The following GIGYF2 variants were observed in gnomAD, a reference collection of about 807,000 sequenced individuals.
GIGYF2 encodes GRB10-interacting GYF protein 2.
GIGYF2 carries 25 observed loss-of-function variants against 208.1 expected under a neutral mutation model. The observed-to-expected ratio is 0.12, with a 90% CI of 0.09 to 0.17. The LOEUF is 0.17. Ranked by LOEUF, GIGYF2 falls within the 10% of genes least tolerant of loss-of-function variation. The pLI is 1.00. For synonymous variants in GIGYF2, 534 were observed against 543.8 expected (o/e 0.98, Z 0.25); for missense variants, 1,302 against 1,579.4 (o/e 0.82, Z 2.98).
intron 3 of GIGYF2, chr2:232,736,029 A>T: frequency 1.0e-6 from 1 of 978,658 alleles, no homozygotes; most frequent in Non-Finnish European, 1.2e-6. Flanking sequence ...TCAATAAATG[A>T]TGCAGACTTC....
At chr2:232,701,810 A>G (rs542507151) in intron 1 of GIGYF2, among the ~76,000 whole-genome samples, 10 of 152,256 alleles carry the variant, frequency 6.6e-5, no homozygotes, top group Middle Eastern at 3.4e-3. Flanking sequence ...AGGTCATCCA[A>G]CTTTACCCAC....
chr2:232,761,302 G>T, intron 7 of GIGYF2, 94 bp from the exon 8 acceptor site: 2 of 795,530 alleles, frequency 2.5e-6, no homozygotes, highest in Non-Finnish European at 2.2e-6. Flanking sequence ...ATTTGAAGAA[G>T]AAATGCTTTT....
chr2:232,778,088 C>T (rs1019900952), intron 8 of GIGYF2, among the ~76,000 whole-genome samples: 2 of 151,902 alleles, frequency 1.3e-5, no homozygotes. Context: ...GCAGTAATGC[C>T]ACCACATCTG....
chr2:232,726,048 A>G (rs1004287950), intron 2 of GIGYF2, among the ~76,000 whole-genome samples: 4 of 152,054 alleles, frequency 2.6e-5, no homozygotes, highest in African/African-American at 9.7e-5. Context: ...AACTTTTTGC[A>G]GTTTGGAGTT....
chr2:232,810,973 T>C, intron 16 of GIGYF2: 1 of 365,578 alleles, frequency 2.7e-6, no homozygotes, highest in African/African-American at 2.1e-5. Context: ...AAATATTTTC[T>C]CTGAATAGAC....
intron 16 of GIGYF2, among the ~76,000 whole-genome samples, 168 bp downstream of exon 16, chr2:232,809,979 C>CATTT (rs35451202): frequency 2.2e-4 from 33 of 151,528 alleles, no homozygotes; most frequent in East Asian, 9.7e-4. Flanking sequence ...TTAGTGTTGT[C>CATTT]ATTTATTTAT....
intron 3 of GIGYF2, among the ~76,000 whole-genome samples, chr2:232,739,373 CCGCA>C (rs1164617333): frequency 6.3e-5 from 7 of 111,160 alleles, no homozygotes; most frequent in Non-Finnish European, 9.7e-5. Context: ...CCCCCCCCCC[CCGCA>C]AAAAAAAAGA....
intron 8 of GIGYF2, among the ~76,000 whole-genome samples, chr2:232,772,261 A>G (rs1221459656): frequency 6.6e-6 from 1 of 152,108 alleles, no homozygotes; most frequent in Admixed American, 6.6e-5. Flanking sequence ...GTCACTTTGC[A>G]ACCATGTTCG....
chr2:232,702,323 T>A (rs1695885775), intron 1 of GIGYF2, among the ~76,000 whole-genome samples: 1 of 151,596 alleles, frequency 6.6e-6, no homozygotes, highest in African/African-American at 2.4e-5. Context: ...CTTGTAATCC[T>A]AGCTTCTCGG....
At chr2:232,717,993 T>C (rs898473351) in intron 2 of GIGYF2, among the ~76,000 whole-genome samples, 1 of 152,124 alleles carries the variant, frequency 6.6e-6, no homozygotes, top group Non-Finnish European at 1.5e-5. Flanking sequence ...AAAGGAATCA[T>C]ACAGTATATA....
intron 21 of GIGYF2, among the ~76,000 whole-genome samples, chr2:232,829,303 G>A (rs540544141): frequency 3.3e-5 from 5 of 152,110 alleles, no homozygotes; most frequent in Non-Finnish European, 5.9e-5. Context: ...TTAAATTGAC[G>A]TTAAGGTTGC....
chr2:232,856,123 C>T (rs150359660), intron 28 of GIGYF2, among the ~76,000 whole-genome samples: 1,565 of 151,932 alleles, frequency 0.01, 31 homozygotes, highest in African/African-American at 0.035. Flanking sequence ...TTAGTAGAGA[C>T]GAGGTTTCAC....
At chr2:232,780,419 A>G (rs1260063651) in intron 8 of GIGYF2, among the ~76,000 whole-genome samples, 3 of 152,250 alleles carry the variant, frequency 2.0e-5, no homozygotes, top group Admixed American at 6.5e-5. Flanking sequence ...GACATAAAAT[A>G]TATCGTTTTC....
chr2:232,769,418 C>G (rs1161915355), intron 8 of GIGYF2, among the ~76,000 whole-genome samples: 1 of 149,166 alleles, frequency 6.7e-6, no homozygotes, highest in African/African-American at 2.5e-5. Context: ...GTAATCCCAG[C>G]TACTCAGGAG....
chr2:232,727,456 A>G (rs1002222961), intron 2 of GIGYF2, among the ~76,000 whole-genome samples: 1 of 152,230 alleles, frequency 6.6e-6, no homozygotes, highest in African/African-American at 2.4e-5. Flanking sequence ...AATGTGAAGT[A>G]TGGAGGGATA....
At chr2:232,720,232 G>T (rs1479094986) in intron 2 of GIGYF2, among the ~76,000 whole-genome samples, 1 of 152,086 alleles carries the variant, frequency 6.6e-6, no homozygotes, top group African/African-American at 2.4e-5. Flanking sequence ...GCTCAGAATG[G>T]TGGTTTCCAG....
chr2:232,855,893 C>T lies in GIGYF2; in HGVS notation c.3833-900C>T, dbSNP rs1690547454. On this transcript the variant is annotated intron_variant, in intron 28 of 28. Coordinates refer to ENST00000373563, the MANE Select transcript of GIGYF2 (RefSeq NM_001103146.3). ...ATACACACTCACATCCCATTCTTTTCTCTGATTCTCTGAAGCAGTGGTTTG... is the reference window on the plus strand; with the variant it reads ...ATACACACTCACATCCCATTCTTTTTTCTGATTCTCTGAAGCAGTGGTTTG... Among the ~76,000 whole-genome samples the T allele has an allele frequency of 2.0e-5, 3 of 151,654 alleles. No homozygotes were observed. In the South Asian group the frequency reaches 6.2e-4, roughly 32 times the overall value.
chr2:232,777,796 T>C (rs951264226), intron 8 of GIGYF2, among the ~76,000 whole-genome samples: 2 of 152,124 alleles, frequency 1.3e-5, no homozygotes, highest in African/African-American at 2.4e-5. Flanking sequence ...GTAGGAATTA[T>C]AATGTGTATC....
intron 8 of GIGYF2, among the ~76,000 whole-genome samples, chr2:232,784,672 T>C (rs193173643): frequency 2.6e-4 from 39 of 152,254 alleles, no homozygotes; most frequent in South Asian, 6.2e-4. Flanking sequence ...CCACCGCGCC[T>C]GGCCACAAAA....
Sources: allele counts gnomAD v4.1 joint callset (sites outside exome capture counted in the v4.1 genomes callset), GRCh38; gene constraint gnomAD v4.1.1; transcripts MANE v1.5; gene names NCBI Gene and HGNC (gene_info 2026-07-23, HGNC 2026-07-21).